Variants in CLPTM1L observed in about 807,000 individuals in gnomAD.
CLPTM1L encodes the protein CLPTM1 like, also known as lipid scramblase CLPTM1L.
In CLPTM1L, 38 loss-of-function variants were observed where a neutral mutation model predicts 70.9. That is an observed-to-expected ratio of 0.54 (90% CI 0.41 to 0.70). The LOEUF is 0.70. Ranked by LOEUF, CLPTM1L falls within the 30% of genes least tolerant of loss-of-function variation. The probability of loss-of-function intolerance (pLI) is 0.00; values close to 1 mark genes in which losing one functional copy is unlikely to be tolerated. For synonymous variants in CLPTM1L, 339 were observed against 299.9 expected, an observed-to-expected ratio of 1.13 and a Z score of -1.35; for missense variants, 652 against 705.9, an observed-to-expected ratio of 0.92 and a Z score of 0.87.
rs1754033508 is a variant in CLPTM1L at position 1,342,849 on chromosome 5, A to T, written c.264-989T>A. 6.6e-6 allele frequency among the ~76,000 whole-genome samples: 1 copy of T among 152,176 alleles called. No individual in the cohort carries two copies. The highest frequency in any genetic ancestry group is 6.5e-5 in the Admixed American group (1 of 15,290). On this transcript the variant is annotated intron_variant, in intron 2 of 16. Transcript: ENST00000320895. The surrounding 1 kb of genome is among the most constrained non-coding windows in gnomAD (Gnocchi z 4.3). ...AGTGATCCTCCCGCCTTGGCCTCCC[A>T]AACTGCTGGGATTATAGGCATGAGT...
At chr5:1,339,552 C>T (rs1753810964) in intron 3 of CLPTM1L, among the ~76,000 whole-genome samples, 1 of 118,350 alleles carries the variant, frequency 8.4e-6, no homozygotes, top group Non-Finnish European at 1.7e-5. Flanking sequence ...TGGCCACGCA[C>T]ATGGAAAAAC....
chr5:1,344,666 C>G lies in CLPTM1L; in HGVS notation c.162+14G>C. ...ACCCCAACCCGCCCGGCCCCCGGCCCCGCGGACGCTCACCTGCAGCTTGGG... is the reference window on the plus strand; with the variant it reads ...ACCCCAACCCGCCCGGCCCCCGGCCGCGCGGACGCTCACCTGCAGCTTGGG... On this transcript the variant is annotated intron_variant, in intron 1 of 16. Transcript: ENST00000320895. 6.5e-7 allele frequency: 1 copy of G among 1,547,648 alleles called. No individual in the cohort carries two copies. The highest frequency in any genetic ancestry group is 8.7e-7 in the Non-Finnish European group (1 of 1,145,976).
chr5:1,328,497 A>G (rs192372549), intron 9 of CLPTM1L, among the ~76,000 whole-genome samples: 3 of 143,334 alleles, frequency 2.1e-5, no homozygotes, highest in African/African-American at 5.4e-5. Flanking sequence ...CTCCTCCTCT[A>G]CAGACACATT....
chr5:1,323,195 G>A (rs1224539775), intron 12 of CLPTM1L, among the ~76,000 whole-genome samples: 2 of 148,500 alleles, frequency 1.3e-5, no homozygotes, highest in African/African-American at 2.5e-5. Flanking sequence ...ACCCCTCTCA[G>A]CTCAGGGCCA....
At position 1,330,334 on chromosome 5, in the gene CLPTM1L, G is replaced by A. The variant is rs754877229; in HGVS notation, c.1026C>T (p.Asp342=). The change falls in exon 9 of 17, where the codon GAC becomes GAT. Residue 342 remains aspartate (D), a synonymous_variant. Transcript: ENST00000320895. ...STVVIFLFLL[D]EQTSLLVLVP... is the part of the protein sequence containing the mutation. ...CCAGCACCAGCAGGCTCGTCTGCTC[G>A]TCCAGCAGGAACAGAAAGATGACCA... is the stretch of plus-strand genomic sequence containing the variant. 9.8e-5 allele frequency: 158 copies of A among 1,612,792 alleles called. 5 individuals carry two copies. In the South Asian group the frequency reaches 1.5e-3, roughly 15 times the overall value.
chr5:1,338,238 C>G, intron 4 of CLPTM1L: 1 of 557,364 alleles, frequency 1.8e-6, no homozygotes, highest in East Asian at 3.1e-5. Context: ...CCACTAGGAG[C>G]GGGGGAATTA....
At chr5:1,327,955 C>T (rs367867558) in intron 9 of CLPTM1L, among the ~76,000 whole-genome samples, 3 of 26,064 alleles carry the variant, frequency 1.2e-4, no homozygotes, top group Admixed American at 1.1e-3. Context: ...CAGACACATT[C>T]CATCCAGCTC....
chr5:1,341,279 A>G (rs886796283), intron 3 of CLPTM1L, among the ~76,000 whole-genome samples: 1 of 152,220 alleles, frequency 6.6e-6, no homozygotes, highest in Non-Finnish European at 1.5e-5. Context: ...GGAATAGCCC[A>G]GTCCTACACA....
intron 8 of CLPTM1L, 151 bp from the exon 9 acceptor site, chr5:1,330,534 G>A (rs1171474621): frequency 8.2e-6 from 5 of 613,182 alleles, no homozygotes; most frequent in Non-Finnish European, 1.5e-5. Context: ...CGTTTAAAAA[G>A]AACAATGAAG....
Position 1,334,361 on chromosome 5 carries a change from A to T in CLPTM1L, c.819T>A (p.Asp273Glu). Residue 273 changes from aspartate to glutamate, a missense_variant, in exon 7 of 17, where the codon GAT becomes GAA. Asp to Glu is a conservative substitution (Grantham distance 45). This residue lies in a region of CLPTM1L where 402 missense variants were observed against 388.2 expected (regional missense o/e 1.04). Coordinates refer to ENST00000320895, the MANE Select transcript of CLPTM1L (RefSeq NM_030782.5). ...TATCTACAAAAATTCCTTTCACCTC[A>T]TCAGCATCTTTCTCTGAAAACCCTG... The part of the protein sequence containing the change: ...QQFGFSEKDA[D>E]EVKGIFVDTN... The T allele has an allele frequency of 6.2e-7, 1 of 1,610,462 alleles. No homozygotes were observed. The highest frequency in any genetic ancestry group is 8.5e-7 in the Non-Finnish European group (1 of 1,178,004).
rs188415392 is a variant in CLPTM1L at position 1,327,131 on chromosome 5, T to G, written c.1081-1315A>C. 4.0e-3 allele frequency among the ~76,000 whole-genome samples: 585 copies of G among 145,786 alleles called. 6 individuals are homozygous for G. The highest frequency in any genetic ancestry group is 0.014 in the African/African-American group (552 of 38,306). On this transcript the variant is annotated intron_variant, in intron 9 of 16. Transcript: ENST00000320895. Reference sequence around the variant, plus strand: ...GACACATTCCATCCAGCTCCTCCTCTACAGACACATTTCATCCAGCTCCTC... The same window carrying G: ...GACACATTCCATCCAGCTCCTCCTCGACAGACACATTTCATCCAGCTCCTC...
Position 1,331,896 on chromosome 5 carries a change from C to T in CLPTM1L, c.892-13G>A. ...AATCAAAGAGAAGCTAGAGAGAACACACACGACAGCAACTCACATCTCCTG... is the reference window on the plus strand; with the variant it reads ...AATCAAAGAGAAGCTAGAGAGAACATACACGACAGCAACTCACATCTCCTG... On this transcript the variant is annotated splice_polypyrimidine_tract_variant and intron_variant, in intron 7 of 16. Transcript: ENST00000320895. 1 of 1,605,180 alleles carries T rather than the reference C, an allele frequency of 6.2e-7. No individual in the cohort carries two copies. Among genetic ancestry groups the T allele is most frequent in the Non-Finnish European group, 8.5e-7 (1 of 1,172,740 alleles).
intron 9 of CLPTM1L, among the ~76,000 whole-genome samples, chr5:1,329,165 CCCT>C (rs1303252912): frequency 6.6e-6 from 1 of 152,268 alleles, no homozygotes; most frequent in African/African-American, 2.4e-5. Flanking sequence ...GCCATCGCCC[CCCT>C]CAAGGGTTTG....
At chr5:1,337,855 G>A (rs1391275647) in intron 5 of CLPTM1L, 49 bp downstream of exon 5, 10 of 1,453,470 alleles carry the variant, frequency 6.9e-6, no homozygotes, top group Non-Finnish European at 8.6e-6. Context: ...CCAGTCTTGG[G>A]GTCAGTGTCT....
At chr5:1,320,590 G>A (rs1304986143) in intron 16 of CLPTM1L, 26 bp downstream of exon 16, 25 of 1,339,618 alleles carry the variant, frequency 1.9e-5, no homozygotes, top group Non-Finnish European at 2.4e-5. Context: ...ACGGAGCAAC[G>A]GCCGAGCATA....
intron 13 of CLPTM1L, 42 bp from the exon 14 acceptor site, chr5:1,321,861 G>A (rs755995141): frequency 3.4e-5 from 54 of 1,580,690 alleles, no homozygotes; most frequent in Non-Finnish European, 4.6e-5. Flanking sequence ...CGGAGGGCCG[G>A]GCTGCCACAT....
intron 9 of CLPTM1L, among the ~76,000 whole-genome samples, chr5:1,327,496 C>T (rs906832285): frequency 6.0e-5 from 9 of 149,768 alleles, no homozygotes; most frequent in African/African-American, 2.0e-4. Context: ...ACATTTCATC[C>T]AGCTCCTCCT....
Position 1,342,112 on chromosome 5 carries a change from G to A in CLPTM1L, c.264-252C>T, listed in dbSNP as rs1460663197. 5.9e-5 allele frequency among the ~76,000 whole-genome samples: 9 copies of A among 151,422 alleles called. No individual in the cohort carries two copies. In the South Asian group the frequency reaches 6.4e-4, roughly 11 times the overall value. The stretch of plus-strand genomic sequence containing the variant: ...CCTACAGCCGAAAGCAAAACGGCCC[G>A]CACTTCCTGCCTCCATCTCAGGAGG... On this transcript the variant is annotated intron_variant, in intron 2 of 16. Coordinates refer to ENST00000320895, the MANE Select transcript of CLPTM1L (RefSeq NM_030782.5). This position sits in a 1 kb window ranked among gnomAD's most constrained non-coding sequence, Gnocchi z 4.3.
intron 10 of CLPTM1L, 128 bp from the exon 11 acceptor site, chr5:1,324,941 G>C: frequency 1.3e-6 from 1 of 796,290 alleles, no homozygotes; most frequent in Non-Finnish European, 2.1e-6. Flanking sequence ...GGGCGCTCAG[G>C]TCCCTACCAG....
Sources: gnomAD v4.1 joint callset for allele counts (sites outside exome capture counted in the v4.1 genomes callset) on GRCh38, gnomAD v4.1.1 for gene constraint, gnomAD v4.1.1 regional missense constraint, Gnocchi (gnomAD v3.1) non-coding constraint, MANE v1.5 for transcripts, NCBI Gene and HGNC (gene_info 2026-07-23, HGNC 2026-07-21) for gene names.